The following CASK variants were observed in gnomAD, a reference collection of about 807,000 sequenced individuals.
CASK encodes peripheral plasma membrane protein CASK.
In CASK, 4 loss-of-function variants were observed where a neutral mutation model predicts 82.9. The observed-to-expected ratio is 0.05, with a 90% CI of 0.02 to 0.11. CASK has a LOEUF of 0.11. Among genes scored for constraint, CASK ranks in the 10% least tolerant of loss-of-function variants. The probability of loss-of-function intolerance (pLI) is 1.00; values close to 1 mark genes in which losing one functional copy is unlikely to be tolerated. For missense variants in CASK, 358 were observed against 720.9 expected, an observed-to-expected ratio of 0.50 and a Z score of 5.76; for synonymous variants, 259 against 253.5, an observed-to-expected ratio of 1.02 and a Z score of -0.20.
intron 5 of CASK, among the ~76,000 whole-genome samples, chrX:41,684,058 T>C (rs763696675): frequency 8.9e-6 from 1 of 111,990 alleles, no homozygotes; most frequent in East Asian, 2.8e-4. Flanking sequence ...ATCAATTAAA[T>C]GTAGAAGAAA....
At chrX:41,865,376 T>G (rs1200899985) in intron 1 of CASK, among the ~76,000 whole-genome samples, 1 of 111,861 alleles carries the variant, frequency 8.9e-6, no homozygotes, top group Non-Finnish European at 1.9e-5. Flanking sequence ...TTGACCCTTT[T>G]TTTTTCTCTG....
In CASK at chrX:41,792,787, CT is replaced by C. The variant is rs1190056226; in HGVS notation, c.173-5505del. Reference sequence around the variant, plus strand: ...ATACTAAAATTAATAAAATAAGTTACTTTTTTTGTACTATTATCTCTGAGAT... The same window carrying C: ...ATACTAAAATTAATAAAATAAGTTACTTTTTTGTACTATTATCTCTGAGAT... On this transcript the variant is annotated intron_variant, in intron 2 of 26. Transcript: ENST00000378163. Among the ~76,000 whole-genome samples the C allele has an allele frequency of 3.6e-5, 4 of 111,351 alleles. 1 individual carries two copies. In the South Asian group the frequency reaches 1.5e-3, roughly 42 times the overall value.
intron 17 of CASK, among the ~76,000 whole-genome samples, chrX:41,560,909 AT>A (rs1307290912): frequency 9.1e-6 from 1 of 110,193 alleles, no homozygotes; most frequent in Non-Finnish European, 1.9e-5. Flanking sequence ...AGAAAAAAAA[AT>A]GTTTGGTGAG....
chrX:41,715,158 A>T (rs192528636), intron 5 of CASK, among the ~76,000 whole-genome samples: 1 of 112,769 alleles, frequency 8.9e-6, no homozygotes, highest in Non-Finnish European at 1.9e-5. Flanking sequence ...AACAATAGCA[A>T]AAACCCCTGT....
chrX:41,722,366 A>G (rs1235472828), intron 5 of CASK, among the ~76,000 whole-genome samples: 1 of 112,486 alleles, frequency 8.9e-6, no homozygotes, highest in African/African-American at 3.2e-5. Context: ...TGTTGACTTC[A>G]GAGGCTAGAT....
At chrX:41,604,664 T>C (rs2065935608) in intron 12 of CASK, among the ~76,000 whole-genome samples, 1 of 111,637 alleles carries the variant, frequency 9.0e-6, no homozygotes, top group Non-Finnish European at 1.9e-5. Context: ...TAATGTCAAA[T>C]TGTACTTTAC....
chrX:41,525,748 C>T (rs1345571284), intron 25 of CASK, among the ~76,000 whole-genome samples: 1 of 112,213 alleles, frequency 8.9e-6, no homozygotes, highest in Non-Finnish European at 1.9e-5. Context: ...ACTCTCTTGG[C>T]TGAAGGGACT....
chrX:41,726,964 A>T, intron 5 of CASK: 1 of 591,023 alleles, frequency 1.7e-6, no homozygotes, highest in Non-Finnish European at 2.6e-6. Flanking sequence ...AAATAATTTT[A>T]ATATTAAATA....
chrX:41,736,739 T>C (rs1299919985), intron 5 of CASK, among the ~76,000 whole-genome samples: 3 of 111,752 alleles, frequency 2.7e-5, no homozygotes, highest in African/African-American at 9.8e-5. Context: ...TAATCTAACA[T>C]ACTCCAACGT....
At chrX:41,626,752 A>G (rs372492555) in intron 9 of CASK, 49 bp from the exon 10 acceptor site, 1 of 780,730 alleles carries the variant, frequency 1.3e-6, no homozygotes, top group Non-Finnish European at 1.9e-6. Context: ...ATACACAAAT[A>G]TAAATAAGTT....
At chrX:41,580,394 T>C (rs2065556712) in intron 14 of CASK, among the ~76,000 whole-genome samples, 1 of 111,440 alleles carries the variant, frequency 9.0e-6, no homozygotes, top group African/African-American at 3.3e-5. Flanking sequence ...TTGCCCAGGC[T>C]GATCTTGAAC....
chrX:41,621,600 A>G (rs2147319087), intron 11 of CASK, among the ~76,000 whole-genome samples: 1 of 111,959 alleles, frequency 8.9e-6, no homozygotes, highest in East Asian at 2.8e-4. Flanking sequence ...ATCTTGAGCC[A>G]GAGGCACACA....
intron 13 of CASK, chrX:41,587,569 T>C (rs1359001185): frequency 1.8e-5 from 2 of 112,282 alleles, no homozygotes; most frequent in African/African-American, 6.5e-5. Flanking sequence ...GAGAAAGTCA[T>C]GCCTCTGCTA....
intron 3 of CASK, among the ~76,000 whole-genome samples, chrX:41,750,723 A>G (rs2068773143): frequency 8.9e-6 from 1 of 112,439 alleles, no homozygotes; most frequent in Non-Finnish European, 1.9e-5. Context: ...AAACTCATCA[A>G]ATAAACAAAA....
chrX:41,636,195 C>T (rs1208536696), intron 9 of CASK, among the ~76,000 whole-genome samples: 1 of 110,969 alleles, frequency 9.0e-6, no homozygotes, highest in Non-Finnish European at 1.9e-5. Context: ...CCACACCCGG[C>T]CCCTAATTCC....
intron 8 of CASK, among the ~76,000 whole-genome samples, chrX:41,647,449 C>T (rs1036825909): frequency 8.9e-6 from 1 of 111,835 alleles, no homozygotes; most frequent in Non-Finnish European, 1.9e-5. Context: ...GATTAAACCC[C>T]ACGACTTAGA....
intron 8 of CASK, among the ~76,000 whole-genome samples, chrX:41,639,938 T>A (rs184664256): frequency 0.011 from 1,212 of 112,235 alleles, 5 homozygotes; most frequent in Non-Finnish European, 0.016. Context: ...CTGAGTGGTA[T>A]TCCATTGTAT....
chrX:41,699,882 A>AG (rs1294028932), intron 5 of CASK, among the ~76,000 whole-genome samples: 2 of 111,769 alleles, frequency 1.8e-5, no homozygotes, highest in Admixed American at 1.9e-4. Context: ...AAGGCTACTT[A>AG]TGACATATAA....
At chrX:41,869,532 G>T (rs2071655590) in intron 1 of CASK, among the ~76,000 whole-genome samples, 2 of 110,371 alleles carry the variant, frequency 1.8e-5, no homozygotes, top group African/African-American at 6.6e-5. Context: ...AAAAATACAG[G>T]CTGGGAGCAG....
Sources: allele counts gnomAD v4.1 joint callset (sites outside exome capture counted in the v4.1 genomes callset), GRCh38; gene constraint gnomAD v4.1.1; transcripts MANE v1.5; gene names NCBI Gene and HGNC (gene_info 2026-07-23, HGNC 2026-07-21).